The following PNPLA8 variants were observed in gnomAD, a reference collection of about 807,000 sequenced individuals.
PNPLA8 encodes the protein calcium-independent phospholipase A2-gamma.
PNPLA8 carries 39 observed loss-of-function variants against 76.9 expected under a neutral mutation model. The ratio of observed to expected loss-of-function variants is 0.51; its 90% CI spans 0.39 to 0.66. The LOEUF is 0.66. PNPLA8 is among the 30% of genes least tolerant of loss of function. The pLI, the probability that PNPLA8 is intolerant of heterozygous loss-of-function variation, is 0.00. For missense variants in PNPLA8, 887 were observed against 918.0 expected (o/e 0.97, Z 0.44); for synonymous variants, 301 against 307.9 (o/e 0.98, Z 0.24).
At chr7:108,500,510 C>T (rs1263438241) in intron 5 of PNPLA8, among the ~76,000 whole-genome samples, 1 of 152,194 alleles carries the variant, frequency 6.6e-6, no homozygotes, top group Non-Finnish European at 1.5e-5. Context: ...TGTCTTTCCT[C>T]AACACCAATC....
chr7:108,479,060 T>G (rs192202761), intron 10 of PNPLA8, 124 bp downstream of exon 10: 4 of 649,934 alleles, frequency 6.2e-6, no homozygotes, highest in Non-Finnish European at 8.2e-6. Flanking sequence ...TTTCCTCCCA[T>G]GTACTTCCTA....
intron 6 of PNPLA8, 126 bp downstream of exon 6, chr7:108,497,357 A>C: frequency 7.2e-6 from 4 of 559,182 alleles, no homozygotes; most frequent in Non-Finnish European, 6.1e-6. Context: ...AAAAGGAAGT[A>C]CAAAATTTTG....
chr7:108,480,497 C>A (rs567592195), intron 9 of PNPLA8, among the ~76,000 whole-genome samples: 1 of 152,288 alleles, frequency 6.6e-6, no homozygotes, highest in Admixed American at 6.5e-5. Context: ...GCTGAGTACA[C>A]GGAAAGGCAT....
At chr7:108,490,671 C>A (rs772329498) in intron 8 of PNPLA8, among the ~76,000 whole-genome samples, 3 of 151,842 alleles carry the variant, frequency 2.0e-5, no homozygotes, top group Non-Finnish European at 4.4e-5. Flanking sequence ...ATAGTCCCAG[C>A]TACTTGGGAG....
chr7:108,472,620 A>G lies in PNPLA8; in HGVS notation c.2130T>C (p.Asn710=), dbSNP rs1037381070. The part of the protein sequence containing the change: ...LLPPDTYFRF[N]PVMCENIPLD... ...GAGGTATGTTTTCACACATTACAGG[A>G]TTGAATCTAAAATAGGTGTCAGGAG... is the stretch of plus-strand genomic sequence containing the variant. The change falls in exon 11 of 11, where the codon AAT becomes AAC. Residue 710 remains asparagine (N), a synonymous_variant. Coordinates refer to ENST00000257694, the MANE Select transcript of PNPLA8 (RefSeq NM_001256007.3). 1.4e-5 allele frequency: 22 copies of G among 1,602,638 alleles called. No homozygotes were observed. Among genetic ancestry groups the G allele is most frequent in the Non-Finnish European group, 1.9e-5 (22 of 1,177,142 alleles).
intron 9 of PNPLA8, among the ~76,000 whole-genome samples, chr7:108,484,310 T>C (rs1196036805): frequency 6.6e-6 from 1 of 152,200 alleles, no homozygotes; most frequent in African/African-American, 2.4e-5. Context: ...AGCCTACTCT[T>C]GTCAGATGGC....
intron 4 of PNPLA8, among the ~76,000 whole-genome samples, chr7:108,512,003 T>C (rs1862968597): frequency 1.3e-5 from 2 of 152,110 alleles, no homozygotes; most frequent in South Asian, 2.1e-4. Context: ...AGATTGTGAG[T>C]AGAAGAAACC....
chr7:108,500,322 T>G (rs17340109), intron 5 of PNPLA8, among the ~76,000 whole-genome samples: 7,421 of 152,284 alleles, frequency 0.049, 249 homozygotes, highest in South Asian at 0.12. Flanking sequence ...TAGAATAATC[T>G]CTCCAGTTAT....
chr7:108,484,263 G>A (rs911248347), intron 9 of PNPLA8, among the ~76,000 whole-genome samples: 12 of 152,258 alleles, frequency 7.9e-5, no homozygotes, highest in African/African-American at 2.9e-4. Context: ...CTAATCTAGT[G>A]GTGAAGCATA....
chr7:108,506,300 C>T (rs1862417680), intron 4 of PNPLA8, among the ~76,000 whole-genome samples: 1 of 152,250 alleles, frequency 6.6e-6, no homozygotes, highest in South Asian at 2.1e-4. Context: ...ACTGCTTGAA[C>T]CCAGGAGGCG....
At chr7:108,473,906 T>C (rs1297134674) in intron 10 of PNPLA8, among the ~76,000 whole-genome samples, 1 of 152,152 alleles carries the variant, frequency 6.6e-6, no homozygotes, top group African/African-American at 2.4e-5. Flanking sequence ...GATCTCACTA[T>C]ATTGACCAGG....
At chr7:108,484,591 T>G (rs1598881743) in intron 9 of PNPLA8, among the ~76,000 whole-genome samples, 2 of 152,120 alleles carry the variant, frequency 1.3e-5, no homozygotes, top group Non-Finnish European at 2.9e-5. Context: ...TCACTCCCCA[T>G]TTTTCCTTCC....
chr7:108,504,105 T>C (rs1415785661), intron 4 of PNPLA8, among the ~76,000 whole-genome samples: 1 of 152,166 alleles, frequency 6.6e-6, no homozygotes, highest in Non-Finnish European at 1.5e-5. Flanking sequence ...CAAACTGTAA[T>C]ACAGCCTTGA....
At chr7:108,505,352 ATTTTTTTTTTTTTTTTT>A (rs1164840586) in intron 4 of PNPLA8, among the ~76,000 whole-genome samples, 5 of 13,890 alleles carry the variant, frequency 3.6e-4, no homozygotes, top group Non-Finnish European at 5.1e-4. Flanking sequence ...ATATATATAT[ATTTTTTTTTTTTTTTTT>A]TTTTTTTTTT....
At chr7:108,483,478 G>A (rs1042802627) in intron 9 of PNPLA8, among the ~76,000 whole-genome samples, 9 of 152,094 alleles carry the variant, frequency 5.9e-5, no homozygotes, top group African/African-American at 2.4e-5. Context: ...ATTGAACTTC[G>A]TTATCAAAAT....
rs1330095006 is a variant in PNPLA8 at position 108,515,291 on chromosome 7, G to C, written c.201C>G (p.Cys67Trp). 6.2e-7 allele frequency: 1 copy of C among 1,610,388 alleles called. No homozygotes were observed. Among genetic ancestry groups the C allele is most frequent in the Non-Finnish European group, 8.5e-7 (1 of 1,178,580 alleles). ...CKWTKSEAHS[C>W]SKHCYSPSNH... The stretch of plus-strand genomic sequence containing the variant: ...TGCTTGGAGAGTAACAGTGCTTACT[G>C]CAAGAATGTGCTTCACTTTTGGTCC... The change falls in exon 3 of 11, where the codon TGC (cysteine) becomes TGG (tryptophan). Residue 67 changes from cysteine to tryptophan, a missense_variant. Physicochemically the swap from Cys to Trp is radical, Grantham distance 215. Transcript: ENST00000257694.
intron 10 of PNPLA8, among the ~76,000 whole-genome samples, chr7:108,473,388 G>T (rs1859760903): frequency 6.6e-6 from 1 of 152,006 alleles, no homozygotes. Flanking sequence ...TTACACATAA[G>T]TCTTCATGTG....
chr7:108,502,461 A>G lies in PNPLA8; in HGVS notation c.1358+30T>C, dbSNP rs751260977. 1.3e-5 allele frequency: 18 copies of G among 1,425,970 alleles called. 1 individual carries two copies. Among genetic ancestry groups the G allele is most frequent in the Non-Finnish European group, 1.6e-5 (17 of 1,079,662 alleles). The allele number at this position is 1,425,970 out of a possible 1,614,324, so 88.3% of individuals were successfully genotyped here. A position where few individuals can be genotyped will look rare whatever the true frequency, so the allele number is the denominator to read the frequency against. ...CCATCTCAAAAAAAAAAAAAAAAAA[A>G]AAAAAAAAGAATCATGTTCCTAGCC... On this transcript the variant is annotated intron_variant, in intron 5 of 10. Coordinates refer to ENST00000257694, the MANE Select transcript of PNPLA8 (RefSeq NM_001256007.3).
At position 108,509,511 on chromosome 7, in the gene PNPLA8, A is replaced by G. The variant is rs2154516379; in HGVS notation, c.1206+4633T>C. Among the ~76,000 whole-genome samples, 3 of 145,342 alleles carry G rather than the reference A, an allele frequency of 2.1e-5. No individual in the cohort carries two copies. The East Asian group carries it at 6.1e-4, about 29-fold the overall frequency. On this transcript the variant is annotated intron_variant, in intron 4 of 10. Coordinates refer to ENST00000257694, the MANE Select transcript of PNPLA8 (RefSeq NM_001256007.3). ...CACACCAGTTAGAATGGCGATCATTAAAAAGTCAGGAAACAACAGGTGCTG... is the reference window on the plus strand; with the variant it reads ...CACACCAGTTAGAATGGCGATCATTGAAAAGTCAGGAAACAACAGGTGCTG...
Sources: allele counts gnomAD v4.1 joint callset (sites outside exome capture counted in the v4.1 genomes callset), GRCh38; gene constraint gnomAD v4.1.1; transcripts MANE v1.5; gene names NCBI Gene and HGNC (gene_info 2026-07-23, HGNC 2026-07-21).